The following MBNL2 variants were observed in gnomAD, a reference collection of about 807,000 sequenced individuals.
The protein encoded by MBNL2 is muscleblind like splicing regulator 2, also known as muscleblind-like protein 2.
Under a neutral mutation model 41.9 loss-of-function variants are expected in MBNL2, and 17 were observed. The observed-to-expected ratio is 0.41, with a 90% CI of 0.28 to 0.61. The LOEUF (loss-of-function observed/expected upper bound fraction) is 0.61, where lower values mean the gene tolerates loss of function less well. Ranked by LOEUF, MBNL2 falls within the 20% of genes least tolerant of loss-of-function variation. MBNL2 has a pLI of 0.35. For missense variants in MBNL2, 336 were observed against 505.6 expected, an observed-to-expected ratio of 0.66 and a Z score of 3.22; for synonymous variants, 195 against 182.9, an observed-to-expected ratio of 1.07 and a Z score of -0.53.
Position 97,318,909 on chromosome 13 carries a change from C to T in MBNL2, c.175-15367C>T, listed in dbSNP as rs142215601. Among the ~76,000 whole-genome samples, 67 of 152,274 alleles carry T rather than the reference C, an allele frequency of 4.4e-4. 1 individual carries two copies. The East Asian group carries it at 0.01, about 24-fold the overall frequency. Reference sequence around the variant, plus strand: ...GCCTGGGTGTGTTGTCTCAAGGTCTCCGCCCTCTCTAGGTACGTACTGGAG... The same window carrying T: ...GCCTGGGTGTGTTGTCTCAAGGTCTTCGCCCTCTCTAGGTACGTACTGGAG... On this transcript the variant is annotated intron_variant, in intron 2 of 8. Coordinates refer to ENST00000679496, the MANE Select transcript of MBNL2 (RefSeq NM_001382683.1).
chr13:97,356,677 C>G, intron 5 of MBNL2, 119 bp from the exon 6 acceptor site: 1 of 354,536 alleles, frequency 2.8e-6, no homozygotes, highest in Non-Finnish European at 5.7e-6. Context: ...TCCTTCTCAC[C>G]TATCCACAAT....
chr13:97,246,681 G>A (rs994567408), intron 1 of MBNL2, among the ~76,000 whole-genome samples: 2 of 152,098 alleles, frequency 1.3e-5, no homozygotes, highest in African/African-American at 2.4e-5. Flanking sequence ...ACCCCACCCC[G>A]AAGAGGCATT....
At chr13:97,169,043 C>G in the MBNL2 span, among the ~76,000 whole-genome samples, 2 of 152,102 alleles carry the variant, frequency 1.3e-5, no homozygotes, top group Non-Finnish European at 2.9e-5. Flanking sequence ...GTCGTCTACT[C>G]CCCCCTTTGT....
chr13:97,337,780 T>A (rs139874667), intron 3 of MBNL2, among the ~76,000 whole-genome samples: 168 of 152,300 alleles, frequency 1.1e-3, no homozygotes, highest in African/African-American at 3.9e-3. Context: ...AGAATAAAAA[T>A]TGTGACATGT....
At chr13:97,251,653 C>A (rs983479997) in intron 1 of MBNL2, among the ~76,000 whole-genome samples, 4 of 152,098 alleles carry the variant, frequency 2.6e-5, no homozygotes, top group Admixed American at 1.3e-4. Flanking sequence ...ATGAAAGATT[C>A]TTTTTCCCTT....
chr13:97,253,567 C>G (rs2046974801), intron 1 of MBNL2, among the ~76,000 whole-genome samples: 1 of 152,062 alleles, frequency 6.6e-6, no homozygotes. Context: ...ATTACCAAAG[C>G]CCTCTCCAGT....
chr13:97,384,664 G>A (rs1314746580), intron 8 of MBNL2, among the ~76,000 whole-genome samples: 5 of 152,204 alleles, frequency 3.3e-5, no homozygotes, highest in East Asian at 1.9e-4. Flanking sequence ...GGTGAGCAAC[G>A]TGCGAGCCTC....
intron 2 of MBNL2, among the ~76,000 whole-genome samples, chr13:97,297,731 T>G (rs868073129): frequency 6.6e-6 from 1 of 152,164 alleles, no homozygotes; most frequent in African/African-American, 2.4e-5. Context: ...GAGGAAGAGT[T>G]GATGAAGGAG....
At chr13:97,355,152 C>A (rs537000454) in intron 5 of MBNL2, among the ~76,000 whole-genome samples, 1 of 152,252 alleles carries the variant, frequency 6.6e-6, no homozygotes, top group East Asian at 1.9e-4. Flanking sequence ...TTTTAACGTT[C>A]ACAATTGTAC....
the MBNL2 span, chr13:97,172,640 AGCATAG>A: frequency 6.6e-6 from 1 of 152,214 alleles, no homozygotes; most frequent in Non-Finnish European, 1.5e-5. Flanking sequence ...AATTGGTCGT[AGCATAG>A]AACTGTAAGA....
At chr13:97,316,357 G>C (rs2059054364) in intron 2 of MBNL2, among the ~76,000 whole-genome samples, 1 of 152,134 alleles carries the variant, frequency 6.6e-6, no homozygotes, top group Non-Finnish European at 1.5e-5. Context: ...GGCCCCTTCG[G>C]TCCATTCTCA....
intron 1 of MBNL2, among the ~76,000 whole-genome samples, chr13:97,248,036 T>C (rs2045817112): frequency 6.6e-6 from 1 of 152,266 alleles, no homozygotes; most frequent in Non-Finnish European, 1.5e-5. Context: ...TTTCCATATT[T>C]ATTATCTGGA....
At chr13:97,316,603 G>A (rs1353337421) in intron 2 of MBNL2, among the ~76,000 whole-genome samples, 4 of 152,148 alleles carry the variant, frequency 2.6e-5, no homozygotes, top group Non-Finnish European at 5.9e-5. Context: ...GTCCTCCCGA[G>A]CCCTTAGTGC....
the MBNL2 span, among the ~76,000 whole-genome samples, chr13:97,214,814 T>C: frequency 6.6e-6 from 1 of 152,172 alleles, no homozygotes; most frequent in Non-Finnish European, 1.5e-5. Context: ...AGATGCACAG[T>C]GATCCCTCAG....
chr13:97,207,864 G>T, the MBNL2 span, among the ~76,000 whole-genome samples: 10 of 152,216 alleles, frequency 6.6e-5, no homozygotes, highest in Admixed American at 4.6e-4. Flanking sequence ...TAGATACAGT[G>T]GAGGTACAGG....
At chr13:97,154,822 G>GATGA in the MBNL2 span, among the ~76,000 whole-genome samples, 1 of 151,960 alleles carries the variant, frequency 6.6e-6, no homozygotes, top group Non-Finnish European at 1.5e-5. Context: ...TGGATGGATG[G>GATGA]ATGGATGGAT....
the MBNL2 span, among the ~76,000 whole-genome samples, chr13:97,163,305 A>C: frequency 6.6e-6 from 1 of 152,162 alleles, no homozygotes; most frequent in Non-Finnish European, 1.5e-5. Flanking sequence ...TAAACAATAA[A>C]ATAAGCAGTC....
chr13:97,240,844 A>C (rs1594079192), intron 1 of MBNL2, among the ~76,000 whole-genome samples: 1 of 152,196 alleles, frequency 6.6e-6, no homozygotes, highest in African/African-American at 2.4e-5. Context: ...CACTTGAACG[A>C]GCTCCGTGAT....
intron 2 of MBNL2, among the ~76,000 whole-genome samples, chr13:97,279,407 C>A (rs1406115667): frequency 6.6e-6 from 1 of 152,216 alleles, no homozygotes; most frequent in Non-Finnish European, 1.5e-5. Context: ...CATAGTTAGT[C>A]CAGGACCGAA....
Sources: allele counts gnomAD v4.1 joint callset (sites outside exome capture counted in the v4.1 genomes callset), GRCh38; gene constraint gnomAD v4.1.1; transcripts MANE v1.5; gene names NCBI Gene and HGNC (gene_info 2026-07-23, HGNC 2026-07-21).